Variants in NTRK2 observed in about 807,000 individuals in gnomAD.
NTRK2 encodes the protein BDNF/NT-3 growth factors receptor.
Under a neutral mutation model 94.5 loss-of-function variants are expected in NTRK2, and 13 were observed. That is an observed-to-expected ratio of 0.14 (90% confidence interval 0.09 to 0.22). NTRK2 has a LOEUF of 0.22. NTRK2 is among the 10% of genes least tolerant of loss of function. The probability of loss-of-function intolerance (pLI) is 1.00; values close to 1 mark genes in which losing one functional copy is unlikely to be tolerated. For synonymous variants in NTRK2, 372 were observed against 407.4 expected, an observed-to-expected ratio of 0.91 and a Z score of 1.05; for missense variants, 639 against 1,071.2, an observed-to-expected ratio of 0.60 and a Z score of 5.63.
At chr9:84,886,721 T>C (rs948339549) in intron 14 of NTRK2, among the ~76,000 whole-genome samples, 4 of 152,230 alleles carry the variant, frequency 2.6e-5, no homozygotes, top group African/African-American at 9.6e-5. Context: ...ATGTCAACAC[T>C]TTCTCCTTGA....
At chr9:84,924,004 C>G (rs1037166373) in intron 14 of NTRK2, among the ~76,000 whole-genome samples, 6 of 151,820 alleles carry the variant, frequency 4.0e-5, no homozygotes, top group African/African-American at 1.2e-4. Context: ...GGGGAGGGCA[C>G]ATGAGTGGAG....
intron 17 of NTRK2, among the ~76,000 whole-genome samples, chr9:84,995,382 T>G (rs1311583017): frequency 4.0e-5 from 6 of 150,910 alleles, no homozygotes; most frequent in Admixed American, 3.9e-4. Context: ...GTTTGTTTTT[T>G]GTTTGTTTGT....
chr9:84,929,123 A>G (rs922892062), intron 14 of NTRK2, among the ~76,000 whole-genome samples: 3 of 152,214 alleles, frequency 2.0e-5, no homozygotes, highest in East Asian at 1.9e-4. Context: ...GTAATACTTT[A>G]TCTATTGCCT....
intron 4 of NTRK2, among the ~76,000 whole-genome samples, chr9:84,704,647 G>A (rs13283974): frequency 2.0e-5 from 3 of 152,252 alleles, no homozygotes; most frequent in Admixed American, 2.0e-4. Context: ...GTTTTCTGAA[G>A]AAGCAATTGT....
At chr9:84,707,665 A>G (rs2131787760) in intron 4 of NTRK2, among the ~76,000 whole-genome samples, 179 bp from the exon 5 acceptor site, 1 of 152,306 alleles carries the variant, frequency 6.6e-6, no homozygotes, top group Admixed American at 6.5e-5. Flanking sequence ...AATTATAGAC[A>G]AGGTTAGAGG....
At chr9:84,747,367 A>G (rs1418332771) in intron 11 of NTRK2, among the ~76,000 whole-genome samples, 1 of 151,738 alleles carries the variant, frequency 6.6e-6, no homozygotes, top group Non-Finnish European at 1.5e-5. Context: ...ATACCAATCC[A>G]CTTAATATTT....
chr9:84,971,460 C>T (rs1826174162), intron 17 of NTRK2, among the ~76,000 whole-genome samples: 1 of 152,166 alleles, frequency 6.6e-6, no homozygotes. Context: ...TCTGGGAAGA[C>T]TGAGGAGGGC....
chr9:84,931,850 G>T (rs2078047725), intron 14 of NTRK2, among the ~76,000 whole-genome samples: 1 of 151,894 alleles, frequency 6.6e-6, no homozygotes, highest in Non-Finnish European at 1.5e-5. Flanking sequence ...GATTTAAATA[G>T]GGCAGCTAAT....
At chr9:84,979,515 T>C (rs1045789132) in intron 17 of NTRK2, among the ~76,000 whole-genome samples, 1 of 152,094 alleles carries the variant, frequency 6.6e-6, no homozygotes, top group African/African-American at 2.4e-5. Flanking sequence ...AATAAAGTGG[T>C]TTTTTGAGCT....
chr9:85,024,850 G>A lies in NTRK2; in HGVS notation c.*3413G>A, dbSNP rs182747350. 139 of 232,928 alleles carry A rather than the reference G, an allele frequency of 6.0e-4. No homozygotes were observed. In the Admixed American group the frequency reaches 6.7e-3, roughly 11 times the overall value. 14.4% of individuals were successfully genotyped at this position (232,928 alleles called of 1,614,324 possible). ...AACTATGCTATAAAAGATTATATCA[G>A]AATTCATATTATACATGTGTTCACA... On this transcript the variant is annotated 3_prime_UTR_variant, in exon 19 of 19. Coordinates refer to ENST00000277120, the MANE Select transcript of NTRK2 (RefSeq NM_006180.6).
intron 12 of NTRK2, among the ~76,000 whole-genome samples, chr9:84,796,084 T>C (rs1353288442): frequency 3.9e-5 from 6 of 152,176 alleles, no homozygotes; most frequent in Admixed American, 3.9e-4. Flanking sequence ...CATTAGCTAC[T>C]GCAACCAACA....
intron 17 of NTRK2, among the ~76,000 whole-genome samples, chr9:84,996,753 GA>G (rs1829797615): frequency 1.3e-5 from 2 of 152,188 alleles, no homozygotes; most frequent in African/African-American, 2.4e-5. Flanking sequence ...GTATACAGAG[GA>G]GATGAAAAGA....
chr9:84,730,061 T>TA (rs2062730769), intron 9 of NTRK2, among the ~76,000 whole-genome samples: 1 of 152,230 alleles, frequency 6.6e-6, no homozygotes, highest in Admixed American at 6.5e-5. Context: ...TAATTATTTA[T>TA]AAAAAATACA....
intron 12 of NTRK2, among the ~76,000 whole-genome samples, chr9:84,838,705 A>G (rs1316625866): frequency 6.6e-6 from 1 of 152,182 alleles, no homozygotes; most frequent in African/African-American, 2.4e-5. Flanking sequence ...CTTCCGATAT[A>G]GTATATTGTA....
intron 12 of NTRK2, among the ~76,000 whole-genome samples, chr9:84,855,741 T>C (rs1304489298): frequency 6.6e-6 from 1 of 152,186 alleles, no homozygotes; most frequent in African/African-American, 2.4e-5. Context: ...GTAGAAAGAC[T>C]CTGAGATGCA....
intron 6 of NTRK2, among the ~76,000 whole-genome samples, chr9:84,717,684 AAC>A (rs2061788086): frequency 6.6e-6 from 1 of 152,268 alleles, no homozygotes; most frequent in African/African-American, 2.4e-5. Flanking sequence ...AAATATTTAA[AAC>A]AGAGTCTAGC....
At chr9:84,866,484 C>T (rs1005807876) in intron 13 of NTRK2, among the ~76,000 whole-genome samples, 1 of 152,130 alleles carries the variant, frequency 6.6e-6, no homozygotes, top group African/African-American at 2.4e-5. Flanking sequence ...TTTCAATGCT[C>T]TGTGAAATAG....
At chr9:84,699,185 C>A (rs7023018) in intron 2 of NTRK2, among the ~76,000 whole-genome samples, 14 of 151,916 alleles carry the variant, frequency 9.2e-5, no homozygotes, top group Admixed American at 6.6e-5. Flanking sequence ...TACAGGTACC[C>A]GCCACCACGC....
chr9:84,752,053 A>C lies in NTRK2; in HGVS notation c.1364A>C (p.Lys455Thr). 1 of 1,614,046 alleles carries C rather than the reference A, an allele frequency of 6.2e-7. No homozygotes were observed. Among genetic ancestry groups the C allele is most frequent in the Non-Finnish European group, 8.5e-7 (1 of 1,179,968 alleles). The change falls in exon 12 of 19, where the codon AAG (lysine) becomes ACG (threonine). Residue 455 changes from lysine (K) to threonine (T), a missense_variant. Lys to Thr is a moderately conservative substitution (Grantham distance 78, BLOSUM62 -1). Around this residue, in one of 5 missense-constraint regions of NTRK2, gnomAD observed 343 missense variants for 571.5 expected, o/e 0.60. Coordinates refer to ENST00000277120, the MANE Select transcript of NTRK2 (RefSeq NM_006180.6). ...CTTTTGGTAATGCTGTTTCTGCTTA[A>C]GTTGGCAAGACACTCCAAGTTTGGC... Reference protein sequence around the residue: ...FCLLVMLFLLKLARHSKFGMK... With the variant: ...FCLLVMLFLLTLARHSKFGMK...
Sources: gnomAD v4.1 joint callset for allele counts (sites outside exome capture counted in the v4.1 genomes callset) on GRCh38, gnomAD v4.1.1 for gene constraint, gnomAD v4.1.1 regional missense constraint, MANE v1.5 for transcripts, NCBI Gene and HGNC (gene_info 2026-07-23, HGNC 2026-07-21) for gene names.